TMEM71: variants seen among roughly 807,000 people sequenced by gnomAD.
TMEM71 encodes the protein transmembrane protein 71.
In TMEM71, 44 loss-of-function variants were observed where a neutral mutation model predicts 38.0. The observed-to-expected ratio is 1.16, with a 90% confidence interval of 0.91 to 1.49. The LOEUF (loss-of-function observed/expected upper bound fraction) is 1.49, where lower values mean the gene tolerates loss of function less well. TMEM71 is among the 40% of genes most tolerant of loss of function. TMEM71 has a pLI of 0.00. For synonymous variants in TMEM71, 133 were observed against 122.5 expected, an observed-to-expected ratio of 1.09 and a Z score of -0.56; for missense variants, 367 against 348.6, an observed-to-expected ratio of 1.05 and a Z score of -0.42.
Position 132,735,764 on chromosome 8 carries a change from T to G in TMEM71, c.488-7778A>C, listed in dbSNP as rs948321609. Among the ~76,000 whole-genome samples the G allele has an allele frequency of 2.6e-5, 4 of 152,364 alleles. No individual in the cohort carries two copies. The East Asian group carries it at 7.7e-4, about 29-fold the overall frequency. On this transcript the variant is annotated intron_variant, in intron 5 of 9. Coordinates refer to ENST00000677595, the MANE Select transcript of TMEM71 (RefSeq NM_001382403.1). ...ATGTGACATACTGTCTTTAGAACAG[T>G]GATTCTCAGACTTTAGTCATCCAGG...
chr8:132,752,887 G>T (rs1052647292), intron 3 of TMEM71, among the ~76,000 whole-genome samples: 3 of 134,228 alleles, frequency 2.2e-5, no homozygotes, highest in East Asian at 2.3e-4. Context: ...AAGGAAGGAA[G>T]GAATCACATG....
intron 4 of TMEM71, among the ~76,000 whole-genome samples, chr8:132,748,607 T>A (rs750595869): frequency 6.6e-6 from 1 of 152,226 alleles, no homozygotes; most frequent in Non-Finnish European, 1.5e-5. Flanking sequence ...TTTTAAAGAT[T>A]CTTGTAGGCT....
At chr8:132,757,349 A>ATG (rs1211167819) in intron 2 of TMEM71, 55 bp from the exon 3 acceptor site, 22 of 1,311,050 alleles carry the variant, frequency 1.7e-5, no homozygotes, top group Admixed American at 3.4e-5. Context: ...CAACAGTTAC[A>ATG]TATGTTGATA....
intron 3 of TMEM71, among the ~76,000 whole-genome samples, chr8:132,753,774 C>A (rs1260291192): frequency 6.6e-6 from 1 of 152,146 alleles, no homozygotes; most frequent in Non-Finnish European, 1.5e-5. Context: ...AGAAAAAAAT[C>A]TCCATTATCG....
At chr8:132,722,755 A>G (rs996233794) in intron 6 of TMEM71, among the ~76,000 whole-genome samples, 1 of 152,260 alleles carries the variant, frequency 6.6e-6, no homozygotes, top group African/African-American at 2.4e-5. Context: ...ATGAGAACAT[A>G]TATTATGAAA....
chr8:132,761,399 T>A (rs1829292721), upstream of TMEM71, among the ~76,000 whole-genome samples: 3 of 152,150 alleles, frequency 2.0e-5, no homozygotes, highest in Admixed American at 6.5e-5. Flanking sequence ...ATAAAAGAAA[T>A]GAGAAATAAT....
At chr8:132,731,153 G>A (rs1161150111) in intron 5 of TMEM71, among the ~76,000 whole-genome samples, 1 of 152,108 alleles carries the variant, frequency 6.6e-6, no homozygotes, top group African/African-American at 2.4e-5. Flanking sequence ...TTACAGCTGT[G>A]ATAAGTGAAG....
At chr8:132,769,919 G>A in the TMEM71 span, among the ~76,000 whole-genome samples, 1 of 152,216 alleles carries the variant, frequency 6.6e-6, no homozygotes, top group Non-Finnish European at 1.5e-5. Context: ...TATGTTGTCT[G>A]CCATATTTCA....
the TMEM71 span, among the ~76,000 whole-genome samples, chr8:132,769,543 C>G: frequency 6.6e-6 from 1 of 152,234 alleles, no homozygotes; most frequent in Admixed American, 6.5e-5. Context: ...AGCCCTAATC[C>G]CCAATGCAAT....
At chr8:132,737,263 A>G (rs1009544438) in intron 5 of TMEM71, among the ~76,000 whole-genome samples, 11 of 152,196 alleles carry the variant, frequency 7.2e-5, no homozygotes, top group African/African-American at 2.7e-4. Context: ...CGTGGATTAT[A>G]TCTCAATTAA....
chr8:132,750,022 A>AAAAAAG (rs770926014), intron 4 of TMEM71, among the ~76,000 whole-genome samples: 5 of 151,078 alleles, frequency 3.3e-5, no homozygotes, highest in South Asian at 2.1e-4. Context: ...CAAAAAAAAA[A>AAAAAAG]AAAGAAAGAA....
chr8:132,762,505 C>T (rs1829315395), upstream of TMEM71, among the ~76,000 whole-genome samples: 1 of 151,752 alleles, frequency 6.6e-6, no homozygotes, highest in African/African-American at 2.4e-5. Flanking sequence ...AGATCTGGCA[C>T]ATATTAGAAC....
chr8:132,756,769 T>G (rs922561189), intron 3 of TMEM71, among the ~76,000 whole-genome samples: 1 of 151,788 alleles, frequency 6.6e-6, no homozygotes, highest in African/African-American at 2.4e-5. Flanking sequence ...GTATTTTTAG[T>G]AGAGACAAGG....
At chr8:132,706,903 A>T (rs1028303406), downstream of TMEM71, among the ~76,000 whole-genome samples, 6 of 152,212 alleles carry the variant, frequency 3.9e-5, no homozygotes, top group Non-Finnish European at 7.3e-5. Context: ...GTCACTCTTG[A>T]CAAAGAATAT....
chr8:132,742,669 T>G (rs1828110125), intron 5 of TMEM71, among the ~76,000 whole-genome samples: 1 of 152,196 alleles, frequency 6.6e-6, no homozygotes, highest in South Asian at 2.1e-4. Context: ...ACATACTCAG[T>G]GAGTTTGATG....
At chr8:132,707,868 G>C (rs7813343), downstream of TMEM71, among the ~76,000 whole-genome samples, 633 of 152,232 alleles carry the variant, frequency 4.2e-3, 4 homozygotes, top group African/African-American at 0.015. Context: ...TTCACAGAAT[G>C]AATGGTGCCT....
intron 6 of TMEM71, among the ~76,000 whole-genome samples, chr8:132,724,787 C>T (rs1263139476): frequency 6.6e-6 from 1 of 152,164 alleles, no homozygotes. Context: ...ACTTATGTTC[C>T]TCTGCCGCAG....
chr8:132,716,263 G>A (rs1826527787), intron 7 of TMEM71, among the ~76,000 whole-genome samples: 1 of 152,206 alleles, frequency 6.6e-6, no homozygotes, highest in East Asian at 1.9e-4. Flanking sequence ...CTAGGCCCGG[G>A]TGCTATCGCA....
chr8:132,746,404 T>TATATAC, intron 5 of TMEM71, among the ~76,000 whole-genome samples: 1 of 14,734 alleles, frequency 6.8e-5, no homozygotes, highest in South Asian at 4.5e-3. Context: ...TATATACATA[T>TATATAC]ATATATACAC....
Sources: allele counts gnomAD v4.1 joint callset (sites outside exome capture counted in the v4.1 genomes callset), GRCh38; gene constraint gnomAD v4.1.1; transcripts MANE v1.5; gene names NCBI Gene and HGNC (gene_info 2026-07-23, HGNC 2026-07-21).